The following LRMDA variants were observed in gnomAD, a reference collection of about 807,000 sequenced individuals.
LRMDA encodes leucine rich melanocyte differentiation associated.
A neutral mutation model predicts 29.8 loss-of-function variants in LRMDA; 18 were observed. That is an observed-to-expected ratio of 0.60 (90% CI 0.42 to 0.90). The LOEUF (loss-of-function observed/expected upper bound fraction) is 0.90. Among genes scored for constraint, LRMDA ranks in the 40% least tolerant of loss-of-function variants. LRMDA has a pLI of 0.00. For synonymous variants in LRMDA, 125 were observed against 109.4 expected (o/e 1.14, Z -0.89); for missense variants, 273 against 273.9 (o/e 1.00, Z 0.02).
At chr10:76,304,982 A>T (rs1840533914) in intron 5 of LRMDA, among the ~76,000 whole-genome samples, 1 of 152,204 alleles carries the variant, frequency 6.6e-6, no homozygotes, top group African/African-American at 2.4e-5. Context: ...TGCTTACCCC[A>T]AGAGCAAGGT....
intron 2 of LRMDA, among the ~76,000 whole-genome samples, chr10:75,973,020 A>AGC (rs1847004802): frequency 3.5e-5 from 5 of 141,062 alleles, no homozygotes; most frequent in South Asian, 2.3e-4. Context: ...CCACTTTAAC[A>AGC]ACAGCAGCAG....
chr10:75,971,150 G>T (rs1846961920), intron 2 of LRMDA, among the ~76,000 whole-genome samples: 1 of 152,186 alleles, frequency 6.6e-6, no homozygotes, highest in South Asian at 2.1e-4. Context: ...GCCATGTAGA[G>T]ATATTGGTGA....
intron 2 of LRMDA, among the ~76,000 whole-genome samples, chr10:75,961,250 T>C (rs1008992642): frequency 6.6e-6 from 1 of 152,260 alleles, no homozygotes; most frequent in African/African-American, 2.4e-5. Context: ...TTCTACTTTT[T>C]ACATATAGGG....
intron 6 of LRMDA, among the ~76,000 whole-genome samples, chr10:76,347,994 G>C (rs1841129283): frequency 1.3e-5 from 2 of 152,058 alleles, no homozygotes; most frequent in African/African-American, 4.8e-5. Flanking sequence ...CTTCCCTCAG[G>C]CGAGTACTAG....
intron 2 of LRMDA, among the ~76,000 whole-genome samples, chr10:75,959,532 CACACAT>C (rs1444066518): frequency 6.6e-6 from 1 of 151,770 alleles, no homozygotes; most frequent in Non-Finnish European, 1.5e-5. Context: ...CACACACACA[CACACAT>C]ACTTCTGTAT....
chr10:76,239,797 A>G (rs188724581), intron 5 of LRMDA, among the ~76,000 whole-genome samples: 5 of 152,038 alleles, frequency 3.3e-5, no homozygotes, highest in South Asian at 2.1e-4. Flanking sequence ...ATGGTGCTGT[A>G]TACTTCCTAT....
At chr10:75,630,878 A>T (rs1436716355) in intron 2 of LRMDA, among the ~76,000 whole-genome samples, 2 of 152,170 alleles carry the variant, frequency 1.3e-5, no homozygotes, top group Middle Eastern at 3.2e-3. Context: ...TAGAAAAAGG[A>T]GCTGAAGAAC....
chr10:75,565,104 C>A (rs1489442656), intron 2 of LRMDA, among the ~76,000 whole-genome samples: 1 of 152,184 alleles, frequency 6.6e-6, no homozygotes, highest in Non-Finnish European at 1.5e-5. Flanking sequence ...AGATTTTCTA[C>A]TCAACTCTAG....
intron 6 of LRMDA, among the ~76,000 whole-genome samples, chr10:76,546,216 C>T (rs1301663832): frequency 2.0e-5 from 3 of 152,172 alleles, no homozygotes; most frequent in African/African-American, 7.2e-5. Flanking sequence ...CTTTATGATG[C>T]ATGGGCGAAA....
At chr10:75,952,399 A>G (rs1438654691) in intron 2 of LRMDA, among the ~76,000 whole-genome samples, 1 of 152,212 alleles carries the variant, frequency 6.6e-6, no homozygotes, top group Non-Finnish European at 1.5e-5. Context: ...GATGATATAC[A>G]TTAGAGATGT....
chr10:76,024,960 G>A (rs1848036720), intron 2 of LRMDA, among the ~76,000 whole-genome samples: 2 of 152,202 alleles, frequency 1.3e-5, no homozygotes, highest in Non-Finnish European at 2.9e-5. Flanking sequence ...ATGGCGAGGT[G>A]CACGCATACC....
chr10:76,405,505 G>A (rs1029475718), intron 6 of LRMDA, among the ~76,000 whole-genome samples: 8 of 152,164 alleles, frequency 5.3e-5, no homozygotes, highest in Admixed American at 2.0e-4. Flanking sequence ...ACAGGGTAAA[G>A]GACCAGACTT....
intron 5 of LRMDA, among the ~76,000 whole-genome samples, chr10:76,143,847 T>A (rs1412903004): frequency 6.6e-6 from 1 of 152,234 alleles, no homozygotes; most frequent in South Asian, 2.1e-4. Context: ...AAGTCTTTAA[T>A]CCATCTTGAA....
chr10:75,932,582 A>T (rs1019011012), intron 2 of LRMDA, among the ~76,000 whole-genome samples: 4 of 152,206 alleles, frequency 2.6e-5, no homozygotes, highest in African/African-American at 9.7e-5. Flanking sequence ...TCTGCACTCT[A>T]GCCTGGGCAA....
Position 75,843,632 on chromosome 10 carries a change from G to A in LRMDA, c.132-192376G>A, listed in dbSNP as rs189904607. On this transcript the variant is annotated intron_variant, in intron 2 of 6. Coordinates refer to ENST00000611255, the MANE Select transcript of LRMDA (RefSeq NM_001305581.2). ...AGAGCACTTTGAAAAGTATAAATCCGTGTGCAAAGGCAGTGCTCATTATTA... is the reference window on the plus strand; with the variant it reads ...AGAGCACTTTGAAAAGTATAAATCCATGTGCAAAGGCAGTGCTCATTATTA... Among the ~76,000 whole-genome samples, 23 of 152,302 alleles carry A rather than the reference G, an allele frequency of 1.5e-4. No homozygotes were observed. The East Asian group carries it at 3.1e-3, about 20-fold the overall frequency.
chr10:76,014,116 A>G (rs1191304988), intron 2 of LRMDA, among the ~76,000 whole-genome samples: 1 of 135,712 alleles, frequency 7.4e-6, no homozygotes, highest in Non-Finnish European at 1.5e-5. Flanking sequence ...GTATATATAT[A>G]TATATATAAT....
chr10:76,340,337 A>C (rs945366737), intron 6 of LRMDA, among the ~76,000 whole-genome samples: 27 of 151,868 alleles, frequency 1.8e-4, no homozygotes, highest in African/African-American at 6.5e-4. Context: ...CCAATATGGC[A>C]AAACCTTGTC....
chr10:76,444,268 A>T (rs1256142728), intron 6 of LRMDA, among the ~76,000 whole-genome samples: 5 of 152,274 alleles, frequency 3.3e-5, no homozygotes, highest in African/African-American at 1.2e-4. Flanking sequence ...TGACCTATTT[A>T]TTTCAAGGAC....
intron 2 of LRMDA, among the ~76,000 whole-genome samples, chr10:75,850,686 C>T (rs1004703625): frequency 6.6e-6 from 1 of 152,082 alleles, no homozygotes; most frequent in Non-Finnish European, 1.5e-5. Flanking sequence ...AAGCTAAGAT[C>T]ACTCGGTTCG....
Sources: gnomAD v4.1 joint callset for allele counts (sites outside exome capture counted in the v4.1 genomes callset) on GRCh38, gnomAD v4.1.1 for gene constraint, MANE v1.5 for transcripts, NCBI Gene and HGNC (gene_info 2026-07-23, HGNC 2026-07-21) for gene names.